The following CAMSAP2 variants were observed in gnomAD, a reference collection of about 807,000 sequenced individuals.
CAMSAP2 encodes calmodulin regulated spectrin associated protein family member 2, also known as calmodulin-regulated spectrin-associated protein 2.
In CAMSAP2, 26 loss-of-function variants were observed where a neutral mutation model predicts 146.1. That is an observed-to-expected ratio of 0.18 (90% CI 0.13 to 0.25). The LOEUF (loss-of-function observed/expected upper bound fraction) is 0.25, where lower values mean the gene tolerates loss of function less well. Ranked by LOEUF, CAMSAP2 falls within the 10% of genes least tolerant of loss-of-function variation. CAMSAP2 has a pLI of 1.00. For synonymous variants in CAMSAP2, 499 were observed against 596.6 expected (o/e 0.84, Z 2.38); for missense variants, 1,381 against 1,759.3 (o/e 0.78, Z 3.85).
At chr1:200,747,750 C>T (rs1352836657) in intron 1 of CAMSAP2, among the ~76,000 whole-genome samples, 1 of 151,940 alleles carries the variant, frequency 6.6e-6, no homozygotes, top group Non-Finnish European at 1.5e-5. Flanking sequence ...GTGGCTCACG[C>T]CTGTAATCCC....
intron 1 of CAMSAP2, among the ~76,000 whole-genome samples, chr1:200,760,007 T>C (rs1664758089): frequency 6.6e-6 from 1 of 152,222 alleles, no homozygotes; most frequent in Non-Finnish European, 1.5e-5. Context: ...GGAGCAGACA[T>C]TGGGAGAGTG....
At chr1:200,796,399 A>G (rs1013398132) in intron 2 of CAMSAP2, among the ~76,000 whole-genome samples, 1 of 152,314 alleles carries the variant, frequency 6.6e-6, no homozygotes, top group South Asian at 2.1e-4. Flanking sequence ...ATCAGGAAGT[A>G]TAAGTCCTCC....
chr1:200,826,107 CAT>C (rs1224147845), intron 4 of CAMSAP2, among the ~76,000 whole-genome samples: 2 of 152,048 alleles, frequency 1.3e-5, no homozygotes, highest in African/African-American at 4.8e-5. Flanking sequence ...AGCGATTCGG[CAT>C]AACTTTTGGA....
At chr1:200,820,510 C>A (rs982913126) in intron 4 of CAMSAP2, among the ~76,000 whole-genome samples, 3 of 152,204 alleles carry the variant, frequency 2.0e-5, no homozygotes, top group Admixed American at 2.0e-4. Flanking sequence ...AATTGCTTTT[C>A]ACTTTAAGGT....
At chr1:200,781,624 C>G (rs1226160817) in intron 2 of CAMSAP2, among the ~76,000 whole-genome samples, 1 of 152,062 alleles carries the variant, frequency 6.6e-6, no homozygotes. Flanking sequence ...TCACTGTATC[C>G]TCAACCTCCC....
At position 200,853,472 on chromosome 1, in the gene CAMSAP2, A is replaced by G; in HGVS notation, c.3800A>G (p.Lys1267Arg). 12 of 1,613,226 alleles carry G rather than the reference A, an allele frequency of 7.4e-6. No individual in the cohort carries two copies. Among genetic ancestry groups the G allele is most frequent in the Non-Finnish European group, 9.3e-6 (11 of 1,179,542 alleles). ...CACAGAGATCATATTGAATCCCCCA[A>G]AACACCAATAAAGGGTCCTCCAGGT... ...SIHRDHIESP[K>R]TPIKGPPVSS... The change falls in exon 13 of 17, where the codon AAA becomes AGA. Residue 1267 changes from lysine to arginine, a missense_variant. Lys to Arg is a conservative substitution (Grantham distance 26, BLOSUM62 2). Around this residue, in one of 4 missense-constraint regions of CAMSAP2, gnomAD observed 560 missense variants for 715.9 expected, o/e 0.78. Transcript: ENST00000358823. This position sits in a 1 kb window ranked among gnomAD's most constrained non-coding sequence, Gnocchi z 5.1.
chr1:200,818,819 GCT>G (rs1191865423), intron 4 of CAMSAP2, among the ~76,000 whole-genome samples: 1 of 151,818 alleles, frequency 6.6e-6, no homozygotes, highest in Non-Finnish European at 1.5e-5. Context: ...AAAATGACTT[GCT>G]CTTTTTATTG....
At chr1:200,819,669 T>C (rs1262470439) in intron 4 of CAMSAP2, among the ~76,000 whole-genome samples, 1 of 152,164 alleles carries the variant, frequency 6.6e-6, no homozygotes, top group Non-Finnish European at 1.5e-5. Flanking sequence ...GATTAAATGG[T>C]TTCTAAATTC....
chr1:200,840,677 G>A (rs1469928024), intron 6 of CAMSAP2, among the ~76,000 whole-genome samples: 3 of 152,208 alleles, frequency 2.0e-5, no homozygotes, highest in Non-Finnish European at 4.4e-5. Context: ...ATGAGTTCTA[G>A]TGGAGAGCAT....
At chr1:200,752,030 A>G (rs771748012) in intron 1 of CAMSAP2, among the ~76,000 whole-genome samples, 7 of 152,228 alleles carry the variant, frequency 4.6e-5, no homozygotes, top group Non-Finnish European at 1.0e-4. Context: ...AAAGCATACA[A>G]GGGAAGATAT....
intron 2 of CAMSAP2, among the ~76,000 whole-genome samples, chr1:200,783,791 G>A (rs573890349): frequency 2.0e-4 from 30 of 152,186 alleles, no homozygotes; most frequent in Admixed American, 1.3e-3. Context: ...CCCAGCCTGC[G>A]TTTCATTTTC....
intron 1 of CAMSAP2, among the ~76,000 whole-genome samples, chr1:200,753,366 T>C (rs1664563654): frequency 6.6e-6 from 1 of 151,874 alleles, no homozygotes; most frequent in Non-Finnish European, 1.5e-5. Flanking sequence ...GCCCCTTCCT[T>C]AGGCATTGTC....
At chr1:200,751,535 C>CAAAAAA (rs35294926) in intron 1 of CAMSAP2, among the ~76,000 whole-genome samples, 16 of 41,542 alleles carry the variant, frequency 3.9e-4, no homozygotes, top group African/African-American at 5.1e-4. Context: ...GACTCCATCT[C>CAAAAAA]AAAAAAAAAA....
intron 2 of CAMSAP2, among the ~76,000 whole-genome samples, chr1:200,788,286 A>G (rs1013443105): frequency 6.6e-5 from 10 of 152,240 alleles, no homozygotes; most frequent in Non-Finnish European, 1.5e-4. Flanking sequence ...TATCAACTGA[A>G]GAATGTCTTG....
intron 2 of CAMSAP2, among the ~76,000 whole-genome samples, chr1:200,782,740 C>G (rs1036224222): frequency 6.7e-6 from 1 of 149,422 alleles, no homozygotes; most frequent in Non-Finnish European, 1.5e-5. Context: ...TTAGAAATAA[C>G]GCAGCTATGA....
chr1:200,801,907 C>A (rs1438337731), intron 2 of CAMSAP2, among the ~76,000 whole-genome samples: 1 of 152,094 alleles, frequency 6.6e-6, no homozygotes, highest in Non-Finnish European at 1.5e-5. Flanking sequence ...CACATTTGAG[C>A]TTTGAGAGGC....
At chr1:200,779,023 A>G (rs1665361245) in intron 2 of CAMSAP2, among the ~76,000 whole-genome samples, 1 of 152,174 alleles carries the variant, frequency 6.6e-6, no homozygotes, top group South Asian at 2.1e-4. Context: ...CAAATTGGGA[A>G]ATTAAGCAGA....
At chr1:200,825,925 G>A (rs1460968529) in intron 4 of CAMSAP2, among the ~76,000 whole-genome samples, 1 of 152,154 alleles carries the variant, frequency 6.6e-6, no homozygotes, top group Non-Finnish European at 1.5e-5. Context: ...TGCAAATTGT[G>A]CTGCACAGAA....
chr1:200,847,090 A>G, intron 8 of CAMSAP2, 120 bp from the exon 9 acceptor site: 4 of 644,228 alleles, frequency 6.2e-6, no homozygotes, highest in Non-Finnish European at 1.0e-5. Flanking sequence ...ATGTTTCCAT[A>G]TTTTTAAAAT....
Sources: gnomAD v4.1 joint callset for allele counts (sites outside exome capture counted in the v4.1 genomes callset) on GRCh38, gnomAD v4.1.1 for gene constraint, gnomAD v4.1.1 regional missense constraint, Gnocchi (gnomAD v3.1) non-coding constraint, MANE v1.5 for transcripts, NCBI Gene and HGNC (gene_info 2026-07-23, HGNC 2026-07-21) for gene names.